ATP9A: variants seen among roughly 807,000 people sequenced by gnomAD.
ATP9A encodes ATPase phospholipid transporting 9A.
ATP9A carries 52 observed loss-of-function variants against 144.1 expected under a neutral mutation model. The ratio of observed to expected loss-of-function variants is 0.36; its 90% confidence interval spans 0.29 to 0.45. The LOEUF (loss-of-function observed/expected upper bound fraction) is 0.45. Ranked by LOEUF, ATP9A falls within the 20% of genes least tolerant of loss-of-function variation. The pLI is 1.00. For synonymous variants in ATP9A, 582 were observed against 557.4 expected (o/e 1.04, Z -0.62); for missense variants, 947 against 1,392.7 (o/e 0.68, Z 5.09).
At chr20:51,712,633 G>A (rs113425357) in intron 4 of ATP9A, among the ~76,000 whole-genome samples, 87 of 152,298 alleles carry the variant, frequency 5.7e-4, no homozygotes, top group African/African-American at 2.0e-3. Flanking sequence ...CAGCAGAGGC[G>A]CCCTACTTCC....
chr20:51,661,777 A>G (rs2077411792), intron 13 of ATP9A, among the ~76,000 whole-genome samples: 1 of 135,754 alleles, frequency 7.4e-6, no homozygotes, highest in Admixed American at 8.3e-5. Flanking sequence ...AAGGGCCACC[A>G]TCAAAGAGAC....
At chr20:51,645,590 G>C (rs931426756) in intron 14 of ATP9A, among the ~76,000 whole-genome samples, 9 of 151,902 alleles carry the variant, frequency 5.9e-5, no homozygotes, top group African/African-American at 1.9e-4. Context: ...GATTCCAACA[G>C]GATCTGAGCC....
rs200571035 is a variant in ATP9A, at chr20:51,600,803, TAA to T, written c.*406_*407del. 0.01 allele frequency: 1,067 copies of T among 104,402 alleles called. 1 individual carries two copies. The highest frequency in any genetic ancestry group is 0.014 in the African/African-American group (374 of 27,260). 6.5% of individuals were successfully genotyped at this position (104,402 alleles called of 1,614,324 possible). ...AGAGTACATACACATTAGGACTCTT[TAA>T]AAACACACACACACACACACACACA... On this transcript the variant is annotated 3_prime_UTR_variant, in exon 28 of 28. Coordinates refer to ENST00000338821, the MANE Select transcript of ATP9A (RefSeq NM_006045.3).
intron 1 of ATP9A, among the ~76,000 whole-genome samples, chr20:51,743,640 TGATTC>T (rs1337737145): frequency 6.8e-6 from 1 of 147,714 alleles, no homozygotes; most frequent in Non-Finnish European, 1.5e-5. Context: ...ACTGACCTCG[TGATTC>T]GCCCGCCTCA....
chr20:51,726,169 C>T (rs1034694422), intron 2 of ATP9A, among the ~76,000 whole-genome samples: 1 of 151,864 alleles, frequency 6.6e-6, no homozygotes, highest in African/African-American at 2.4e-5. Context: ...AAAAATTAGC[C>T]AGGCGTGGTG....
chr20:51,724,901 C>T (rs1241302434), intron 3 of ATP9A, among the ~76,000 whole-genome samples: 1 of 152,184 alleles, frequency 6.6e-6, no homozygotes, highest in African/African-American at 2.4e-5. Flanking sequence ...GGAAACAATT[C>T]AAATACAAGG....
intron 3 of ATP9A, among the ~76,000 whole-genome samples, chr20:51,716,555 A>G (rs1263079772): frequency 6.6e-6 from 1 of 151,568 alleles, no homozygotes; most frequent in African/African-American, 2.4e-5. Flanking sequence ...CAGGAGGCTG[A>G]GGCAGGAGGA....
intron 4 of ATP9A, among the ~76,000 whole-genome samples, chr20:51,702,541 C>T (rs1422817658): frequency 6.6e-6 from 1 of 152,030 alleles, no homozygotes; most frequent in Non-Finnish European, 1.5e-5. Flanking sequence ...AGGCCCTAGG[C>T]TTGGCTGTCA....
intron 13 of ATP9A, among the ~76,000 whole-genome samples, chr20:51,667,952 C>T (rs978207181): frequency 4.0e-5 from 6 of 150,352 alleles, no homozygotes; most frequent in Admixed American, 6.7e-5. Flanking sequence ...ACTTGTAGTC[C>T]GAGCTACTTG....
intron 1 of ATP9A, among the ~76,000 whole-genome samples, chr20:51,741,034 T>TTAATTAATTAAAAATAAATTTTAA (rs1568843750): frequency 1.2e-3 from 179 of 148,442 alleles, no homozygotes; most frequent in South Asian, 2.3e-3. Context: ...TAAATTTTAA[T>TTAATTAATTAAAAATAAATTTTAA]TTAATTAATT....
Position 51,742,725 on chromosome 20 carries a change from G to A in ATP9A, c.69-12747C>T, listed in dbSNP as rs2077790482. Among the ~76,000 whole-genome samples the A allele has an allele frequency of 3.3e-5, 5 of 152,262 alleles. No homozygotes were observed. The South Asian group carries it at 1.0e-3, about 32-fold the overall frequency. The stretch of plus-strand genomic sequence containing the variant: ...AGACGGCGTTTCACCATGTTGGCCA[G>A]GCTGGTCTCAAACACCTGACCTAAA... On this transcript the variant is annotated intron_variant, in intron 1 of 27. Transcript: ENST00000338821.
At chr20:51,704,281 T>A (rs1053242710) in intron 4 of ATP9A, among the ~76,000 whole-genome samples, 1 of 151,394 alleles carries the variant, frequency 6.6e-6, no homozygotes, top group South Asian at 2.1e-4. Flanking sequence ...CGGTTTATGG[T>A]GCCCAGAAAT....
chr20:51,668,538 G>A lies in ATP9A; in HGVS notation c.1293+1459C>T, dbSNP rs552977324. ...GAACAACATAACAGAGTCCAGCACCGAGCCCCAGAGACACCAACCCCAAAT... is the reference window on the plus strand; with the variant it reads ...GAACAACATAACAGAGTCCAGCACCAAGCCCCAGAGACACCAACCCCAAAT... On this transcript the variant is annotated intron_variant, in intron 13 of 27. Coordinates refer to ENST00000338821, the MANE Select transcript of ATP9A (RefSeq NM_006045.3). Among the ~76,000 whole-genome samples, 34 of 152,126 alleles carry A rather than the reference G, an allele frequency of 2.2e-4. No homozygotes were observed. In the South Asian group the frequency reaches 3.5e-3, roughly 16 times the overall value.
chr20:51,702,166 G>A (rs1033061064), intron 4 of ATP9A, among the ~76,000 whole-genome samples: 1 of 151,944 alleles, frequency 6.6e-6, no homozygotes, highest in East Asian at 1.9e-4. Flanking sequence ...GGGCGTGGTG[G>A]CAGGCGCCTG....
intron 1 of ATP9A, among the ~76,000 whole-genome samples, chr20:51,748,340 AAAG>A (rs1441865351): frequency 1.3e-5 from 2 of 152,192 alleles, no homozygotes; most frequent in Admixed American, 1.3e-4. Context: ...AGAAGGAAAG[AAAG>A]AAGAGAGGAG....
rs554146809 is a variant in ATP9A, at chr20:51,659,501, G to A, written c.1294-2351C>T. 5.9e-5 allele frequency among the ~76,000 whole-genome samples: 9 copies of A among 152,170 alleles called. No individual in the cohort carries two copies. In the East Asian group the frequency reaches 1.2e-3, roughly 20 times the overall value. On this transcript the variant is annotated intron_variant, in intron 13 of 27. Coordinates refer to ENST00000338821, the MANE Select transcript of ATP9A (RefSeq NM_006045.3). The stretch of plus-strand genomic sequence containing the variant: ...TTCAAGAAGTAACAACTATGAAATC[G>A]ACATCAGTTTCAGATTTTAAATCAC...
chr20:51,725,630 T>A (rs1463157180), intron 3 of ATP9A, among the ~76,000 whole-genome samples, 189 bp downstream of exon 3: 1 of 152,194 alleles, frequency 6.6e-6, no homozygotes, highest in Non-Finnish European at 1.5e-5. Context: ...TTTGCTATAG[T>A]TTGATCCAGG....
chr20:51,682,577 CTTTTTTTTTTTTT>C (rs60505207), intron 9 of ATP9A, among the ~76,000 whole-genome samples: 6 of 35,084 alleles, frequency 1.7e-4, no homozygotes, highest in African/African-American at 3.1e-4. Context: ...TTCACTGTAT[CTTTTTTTTTTTTT>C]TTTTTTTTTT....
intron 15 of ATP9A, among the ~76,000 whole-genome samples, chr20:51,630,913 G>A (rs185746432): frequency 3.3e-5 from 5 of 152,200 alleles, no homozygotes; most frequent in East Asian, 3.9e-4. Context: ...TGGGGCACGC[G>A]GACCCTTTCC....
Sources: allele counts gnomAD v4.1 joint callset (sites outside exome capture counted in the v4.1 genomes callset), GRCh38; gene constraint gnomAD v4.1.1; transcripts MANE v1.5; gene names NCBI Gene and HGNC (gene_info 2026-07-23, HGNC 2026-07-21).